INO80: variants seen among roughly 807,000 people sequenced by gnomAD.
The protein encoded by INO80 is chromatin-remodeling ATPase INO80.
Under a neutral mutation model 203.4 loss-of-function variants are expected in INO80, and 20 were observed. The observed-to-expected ratio is 0.10, with a 90% CI of 0.07 to 0.14. The LOEUF (loss-of-function observed/expected upper bound fraction) is 0.14. Ranked by LOEUF, INO80 falls within the 10% of genes least tolerant of loss-of-function variation. The pLI, the probability that INO80 is intolerant of heterozygous loss-of-function variation, is 1.00. For missense variants in INO80, 1,419 were observed against 1,914.4 expected, an observed-to-expected ratio of 0.74 and a Z score of 4.83; for synonymous variants, 726 against 685.2, an observed-to-expected ratio of 1.06 and a Z score of -0.93.
intron 7 of INO80, among the ~76,000 whole-genome samples, chr15:41,082,071 G>A (rs547816697): frequency 2.4e-4 from 36 of 151,494 alleles, no homozygotes; most frequent in African/African-American, 8.7e-4. Context: ...CCAATGTGGT[G>A]AAGCCCCATT....
intron 9 of INO80, among the ~76,000 whole-genome samples, chr15:41,079,401 G>C (rs1360324118): frequency 6.6e-6 from 1 of 151,994 alleles, no homozygotes; most frequent in Non-Finnish European, 1.5e-5. Context: ...AAAGGCCTGA[G>C]GAGGGCCTTA....
intron 23 of INO80, among the ~76,000 whole-genome samples, chr15:41,045,893 T>C (rs1217517629): frequency 1.2e-5 from 1 of 82,688 alleles, no homozygotes; most frequent in East Asian, 4.3e-4. Flanking sequence ...CGAGTGAGAC[T>C]TCATCTCGGG....
At chr15:41,041,698 C>T (rs1332152058) in intron 24 of INO80, among the ~76,000 whole-genome samples, 1 of 152,148 alleles carries the variant, frequency 6.6e-6, no homozygotes, top group Non-Finnish European at 1.5e-5. Flanking sequence ...CCGCCTTGGC[C>T]TCCCAAAGTA....
intron 35 of INO80, among the ~76,000 whole-genome samples, chr15:40,981,066 C>T (rs113798679): frequency 0.013 from 2,050 of 152,326 alleles, 34 homozygotes; most frequent in African/African-American, 0.046. Context: ...TAAGCCAAAT[C>T]CACTTACATG....
At chr15:41,059,781 T>C (rs1222814367) in intron 15 of INO80, 86 bp downstream of exon 15, 1 of 858,570 alleles carries the variant, frequency 1.2e-6, no homozygotes, top group South Asian at 1.9e-5. Flanking sequence ...AAGAAGATTT[T>C]TGTCTAAAAG....
At chr15:41,078,413 T>G (rs1424312206) in intron 9 of INO80, among the ~76,000 whole-genome samples, 1 of 152,164 alleles carries the variant, frequency 6.6e-6, no homozygotes, top group East Asian at 1.9e-4. Context: ...AACTTCAAGA[T>G]CTGTGGCTAA....
chr15:41,039,273 C>G (rs2044631732), intron 24 of INO80, among the ~76,000 whole-genome samples: 1 of 152,202 alleles, frequency 6.6e-6, no homozygotes, highest in Non-Finnish European at 1.5e-5. Flanking sequence ...CAACACCACA[C>G]CTGGCCTAGA....
chr15:41,043,029 T>C (rs964382132), intron 24 of INO80, among the ~76,000 whole-genome samples: 10 of 152,324 alleles, frequency 6.6e-5, no homozygotes, highest in African/African-American at 2.4e-4. Flanking sequence ...ACATATTTTA[T>C]GACCAGTTTC....
chr15:41,080,671 C>A (rs1341176455), intron 8 of INO80, among the ~76,000 whole-genome samples: 1 of 152,080 alleles, frequency 6.6e-6, no homozygotes, highest in East Asian at 1.9e-4. Context: ...GCCTGGCCAA[C>A]ATGGTGAAAC....
At chr15:41,106,383 CAAAA>C (rs369784846) in intron 1 of INO80, among the ~76,000 whole-genome samples, 1 of 83,912 alleles carries the variant, frequency 1.2e-5, no homozygotes, top group African/African-American at 5.2e-5. Context: ...GACCCTGTCT[CAAAA>C]AAAAAAAAAA....
At chr15:41,093,286 G>A (rs772277858) in intron 4 of INO80, among the ~76,000 whole-genome samples, 4 of 152,118 alleles carry the variant, frequency 2.6e-5, no homozygotes, top group Admixed American at 6.5e-5. Flanking sequence ...TTAGCCAGGC[G>A]TGGTGGCAAG....
chr15:41,078,559 T>C (rs886709969), intron 9 of INO80, among the ~76,000 whole-genome samples: 2 of 152,164 alleles, frequency 1.3e-5, no homozygotes, highest in African/African-American at 4.8e-5. Context: ...GCAAAATCCA[T>C]CTTCATTCTC....
chr15:41,087,424 A>T, intron 6 of INO80, 138 bp downstream of exon 6: 1 of 918,468 alleles, frequency 1.1e-6, no homozygotes, highest in Non-Finnish European at 1.6e-6. Flanking sequence ...ACTTGCTACT[A>T]ATTAGAAAGG....
At chr15:41,004,302 CTATG>C (rs754447403) in intron 28 of INO80, among the ~76,000 whole-genome samples, 300 of 151,926 alleles carry the variant, frequency 2.0e-3, no homozygotes, top group Non-Finnish European at 3.2e-3. Flanking sequence ...AGAGGACACT[CTATG>C]TTGAATTGTG....
intron 28 of INO80, chr15:40,999,440 G>A (rs953020737): frequency 6.6e-5 from 10 of 152,316 alleles, no homozygotes; most frequent in Middle Eastern, 3.4e-3. Context: ...TAATCACTAA[G>A]GTAGGTATGT....
rs1417256408 is a variant in INO80, at chr15:41,096,180, C to T, written c.131G>A (p.Arg44Lys). 1 of 1,605,824 alleles carries T rather than the reference C, an allele frequency of 6.2e-7. No homozygotes were observed. The change falls in exon 2 of 36, where the codon AGG becomes AAG. Residue 44 changes from arginine (R) to lysine (K), a missense_variant. Arg to Lys is a conservative substitution (Grantham distance 26). Around this residue, in one of 9 missense-constraint regions of INO80, gnomAD observed 323 missense variants for 325.4 expected, o/e 0.99. Transcript: ENST00000648947. Reference sequence around the variant, plus strand: ...TACAATAACATACCTAGAAATATTCCTATTGAAGATAGCTGACGTTTGTCG... The same window carrying T: ...TACAATAACATACCTAGAAATATTCTTATTGAAGATAGCTGACGTTTGTCG... ...FLRQTSAIFN[R>K]NISSDDSEDG... is the part of the protein sequence containing the mutation.
chr15:41,095,981 T>C, intron 2 of INO80, 53 bp from the exon 3 acceptor site: 1 of 1,546,228 alleles, frequency 6.5e-7, no homozygotes, highest in Non-Finnish European at 8.8e-7. Context: ...AAAATATAAT[T>C]TAAAGTTAGA....
intron 25 of INO80, among the ~76,000 whole-genome samples, chr15:41,027,305 T>C (rs952627243): frequency 6.6e-6 from 1 of 152,174 alleles, no homozygotes; most frequent in African/African-American, 2.4e-5. Flanking sequence ...TTGGGTGATA[T>C]ATATTCTACC....
chr15:40,996,275 A>G (rs2043879781), intron 29 of INO80, among the ~76,000 whole-genome samples: 1 of 152,200 alleles, frequency 6.6e-6, no homozygotes, highest in Non-Finnish European at 1.5e-5. Context: ...AGTTACTAAA[A>G]TTCTTATTAA....
Sources: gnomAD v4.1 joint callset for allele counts (sites outside exome capture counted in the v4.1 genomes callset) on GRCh38, gnomAD v4.1.1 for gene constraint, gnomAD v4.1.1 regional missense constraint, MANE v1.5 for transcripts, NCBI Gene and HGNC (gene_info 2026-07-23, HGNC 2026-07-21) for gene names.